Variants in PRIM2 observed in about 807,000 individuals in gnomAD.
The protein encoded by PRIM2 is DNA primase subunit 2, also known as DNA primase large subunit.
A neutral mutation model predicts 67.3 loss-of-function variants in PRIM2; 39 were observed. The observed-to-expected ratio is 0.58, with a 90% CI of 0.45 to 0.76. The LOEUF (loss-of-function observed/expected upper bound fraction) is 0.76. Ranked by LOEUF, PRIM2 falls within the 30% of genes least tolerant of loss-of-function variation. The pLI, the probability that PRIM2 is intolerant of heterozygous loss-of-function variation, is 0.00. For synonymous variants in PRIM2, 143 were observed against 198.7 expected, an observed-to-expected ratio of 0.72 and a Z score of 2.36; for missense variants, 398 against 598.7, an observed-to-expected ratio of 0.66 and a Z score of 3.50.
intron 13 of PRIM2, among the ~76,000 whole-genome samples, chr6:57,635,773 A>G: frequency 6.6e-6 from 1 of 152,198 alleles, no homozygotes; most frequent in East Asian, 1.9e-4. Flanking sequence ...AGCCACCATC[A>G]TCTCACTTGG....
chr6:57,581,871 T>A (rs1403962046), intron 10 of PRIM2, among the ~76,000 whole-genome samples: 1 of 152,196 alleles, frequency 6.6e-6, no homozygotes, highest in Non-Finnish European at 1.5e-5. Context: ...ATTTGCTAGG[T>A]TTTGTGCTAC....
At chr6:57,529,313 C>CA (rs1188542393) in intron 8 of PRIM2, among the ~76,000 whole-genome samples, 3,031 of 125,506 alleles carry the variant, frequency 0.024, 75 homozygotes, top group African/African-American at 0.072. Flanking sequence ...GACTCCGTCT[C>CA]AAAAAAAAAA....
At chr6:57,442,556 G>A (rs1772233866) in intron 7 of PRIM2, among the ~76,000 whole-genome samples, 1 of 152,050 alleles carries the variant, frequency 6.6e-6, no homozygotes, top group African/African-American at 2.4e-5. Flanking sequence ...AGGCAAACTT[G>A]CTGCAGCACC....
chr6:57,560,812 A>G (rs1265747034), intron 10 of PRIM2, among the ~76,000 whole-genome samples: 4 of 152,200 alleles, frequency 2.6e-5, no homozygotes, highest in Admixed American at 1.3e-4. Flanking sequence ...AAACTCTGCT[A>G]TAAACAGATA....
At chr6:57,603,649 G>A (rs1776511053) in intron 11 of PRIM2, among the ~76,000 whole-genome samples, 1 of 151,798 alleles carries the variant, frequency 6.6e-6, no homozygotes, top group African/African-American at 2.4e-5. Flanking sequence ...GCTTAGGATT[G>A]CTTTGGTCAT....
chr6:57,565,700 A>G (rs1406957521), intron 10 of PRIM2, among the ~76,000 whole-genome samples: 1 of 152,182 alleles, frequency 6.6e-6, no homozygotes, highest in Non-Finnish European at 1.5e-5. Flanking sequence ...CACACTCCAA[A>G]ATAATGTTTA....
At chr6:57,534,895 C>A (rs1302796965) in intron 9 of PRIM2, among the ~76,000 whole-genome samples, 1 of 152,322 alleles carries the variant, frequency 6.6e-6, no homozygotes, top group African/African-American at 2.4e-5. Flanking sequence ...GCTTCCCTGG[C>A]CACCCAAATT....
the PRIM2 span, among the ~76,000 whole-genome samples, chr6:57,265,737 T>A: frequency 1.3e-5 from 2 of 152,232 alleles, no homozygotes; most frequent in African/African-American, 2.4e-5. Flanking sequence ...GACATATTTA[T>A]TATGCAGCTT....
the PRIM2 span, among the ~76,000 whole-genome samples, chr6:57,273,515 G>A: frequency 1.3e-5 from 2 of 152,092 alleles, no homozygotes; most frequent in African/African-American, 4.8e-5. Context: ...GGTTATTCTA[G>A]TTATGCATTC....
chr6:57,644,493 G>A (rs1777299312), intron 13 of PRIM2, among the ~76,000 whole-genome samples: 1 of 152,114 alleles, frequency 6.6e-6, no homozygotes, highest in Non-Finnish European at 1.5e-5. Context: ...TGACTTACTG[G>A]GTTGGAAATT....
At chr6:57,226,962 C>G in the PRIM2 span, among the ~76,000 whole-genome samples, 1 of 152,254 alleles carries the variant, frequency 6.6e-6, no homozygotes, top group East Asian at 1.9e-4. Context: ...ATTCTAAATT[C>G]CTTTTTGTTT....
chr6:57,365,100 A>T (rs1769315942), intron 5 of PRIM2, among the ~76,000 whole-genome samples: 1 of 151,832 alleles, frequency 6.6e-6, no homozygotes, highest in African/African-American at 2.4e-5. Flanking sequence ...CTAAAGAATT[A>T]TAAAGATTTT....
intron 13 of PRIM2, among the ~76,000 whole-genome samples, chr6:57,645,427 T>C (rs1246796926): frequency 6.6e-6 from 1 of 151,622 alleles, no homozygotes; most frequent in Non-Finnish European, 1.5e-5. Flanking sequence ...GACGTAATTG[T>C]CAACCAGAAT....
At chr6:57,541,902 C>A (rs1216761784) in intron 10 of PRIM2, among the ~76,000 whole-genome samples, 1 of 152,022 alleles carries the variant, frequency 6.6e-6, no homozygotes, top group East Asian at 1.9e-4. Flanking sequence ...CAGACACCCC[C>A]ACTGTAATGT....
intron 7 of PRIM2, among the ~76,000 whole-genome samples, chr6:57,469,619 C>T (rs1773289541): frequency 6.6e-6 from 1 of 151,946 alleles, no homozygotes; most frequent in African/African-American, 2.4e-5. Flanking sequence ...AAGTTTTCGC[C>T]CTTGATTCAG....
At chr6:57,277,076 G>C in the PRIM2 span, among the ~76,000 whole-genome samples, 1 of 152,116 alleles carries the variant, frequency 6.6e-6, no homozygotes, top group Non-Finnish European at 1.5e-5. Flanking sequence ...AGTTCCAGTG[G>C]GTGTGTTGTT....
chr6:57,586,481 C>G (rs1776189145), intron 10 of PRIM2, among the ~76,000 whole-genome samples: 1 of 152,104 alleles, frequency 6.6e-6, no homozygotes, highest in South Asian at 2.1e-4. Context: ...AGTGTAATGA[C>G]AAATACTTGT....
At chr6:57,440,369 A>G (rs1772164927) in intron 7 of PRIM2, among the ~76,000 whole-genome samples, 1 of 152,172 alleles carries the variant, frequency 6.6e-6, no homozygotes, top group African/African-American at 2.4e-5. Context: ...AGCTCACTGT[A>G]ACCTTGAGTT....
chr6:57,267,068 A>G, the PRIM2 span, among the ~76,000 whole-genome samples: 1 of 152,214 alleles, frequency 6.6e-6, no homozygotes, highest in Admixed American at 6.5e-5. Flanking sequence ...GTCTTGATAT[A>G]AGTCTAAAAA....
Sources: gnomAD v4.1 joint callset for allele counts (sites outside exome capture counted in the v4.1 genomes callset) on GRCh38, gnomAD v4.1.1 for gene constraint, MANE v1.5 for transcripts, NCBI Gene and HGNC (gene_info 2026-07-23, HGNC 2026-07-21) for gene names.